NLGN1: variants seen among roughly 807,000 people sequenced by gnomAD.
NLGN1 encodes neuroligin 1, also known as neuroligin-1.
Under a neutral mutation model 65.5 loss-of-function variants are expected in NLGN1, and 12 were observed. That is an observed-to-expected ratio of 0.18 (90% CI 0.12 to 0.30). The LOEUF is 0.30. Ranked by LOEUF, NLGN1 falls within the 10% of genes least tolerant of loss-of-function variation. NLGN1 has a pLI of 1.00. For missense variants in NLGN1, 750 were observed against 1,007.1 expected (o/e 0.74, Z 3.46); for synonymous variants, 350 against 359.5 (o/e 0.97, Z 0.30).
At chr3:173,415,943 A>AGAGAGAGAGAGAGCGAGCGAGC (rs141095727) in intron 1 of NLGN1, among the ~76,000 whole-genome samples, 4 of 142,886 alleles carry the variant, frequency 2.8e-5, no homozygotes, top group African/African-American at 1.1e-4. Context: ...AGAGAGAGAG[A>AGAGAGAGAGAGAGCGAGCGAGC]GCTTGGTATA....
intron 4 of NLGN1, among the ~76,000 whole-genome samples, chr3:174,228,033 A>G (rs1045560596): frequency 1.1e-4 from 16 of 152,004 alleles, no homozygotes; most frequent in Non-Finnish European, 8.8e-5. Context: ...ATACTGAGAC[A>G]TATTGTTATT....
At chr3:173,989,787 T>A (rs12494704) in intron 4 of NLGN1, among the ~76,000 whole-genome samples, 48,752 of 151,938 alleles carry the variant, frequency 0.32, 9,039 homozygotes, top group African/African-American at 0.51. Flanking sequence ...TTGGCTTCGG[T>A]GTTGATGACT....
At chr3:173,469,340 A>T (rs1724927653) in intron 2 of NLGN1, among the ~76,000 whole-genome samples, 1 of 152,038 alleles carries the variant, frequency 6.6e-6, no homozygotes, top group African/African-American at 2.4e-5. Flanking sequence ...AGGCATCCCA[A>T]ACATAGCAAT....
At chr3:173,559,330 A>G (rs1324595473) in intron 2 of NLGN1, among the ~76,000 whole-genome samples, 1 of 152,154 alleles carries the variant, frequency 6.6e-6, no homozygotes. Context: ...TGCGCTGTCT[A>G]AGGCATGGCC....
intron 4 of NLGN1, chr3:173,910,801 C>G (rs1211970777): frequency 2.0e-5 from 3 of 152,162 alleles, no homozygotes; most frequent in African/African-American, 7.2e-5. Context: ...GTTTTGATCT[C>G]ATTGTAACTG....
chr3:173,660,603 T>TA (rs1330225989), intron 3 of NLGN1, among the ~76,000 whole-genome samples: 2 of 151,868 alleles, frequency 1.3e-5, no homozygotes, highest in African/African-American at 4.8e-5. Context: ...TGGAATATAA[T>TA]ACTTTAAATA....
chr3:173,886,120 C>A (rs57718173), intron 4 of NLGN1, among the ~76,000 whole-genome samples: 1,710 of 152,138 alleles, frequency 0.011, 36 homozygotes, highest in African/African-American at 0.036. Flanking sequence ...CAACCACTAC[C>A]AATATTAGTC....
chr3:173,631,753 G>A (rs542342087), intron 3 of NLGN1, among the ~76,000 whole-genome samples: 1 of 152,080 alleles, frequency 6.6e-6, no homozygotes, highest in Admixed American at 6.6e-5. Flanking sequence ...CTCAGAATAG[G>A]TTAAAATAGA....
At chr3:173,408,664 G>A (rs1352348041) in intron 1 of NLGN1, among the ~76,000 whole-genome samples, 1 of 152,192 alleles carries the variant, frequency 6.6e-6, no homozygotes, top group East Asian at 1.9e-4. Flanking sequence ...TGTAATCCCA[G>A]CACTTTGGGA....
In NLGN1 at chr3:173,717,681, G is replaced by A. The variant is rs555116967; in HGVS notation, c.494-89999G>A. ...TCTTAGATGCTAGCAAGATAAGAGT[G>A]AGTAATGCTTTCAATCTGTATGTGG... is the stretch of plus-strand genomic sequence containing the variant. On this transcript the variant is annotated intron_variant, in intron 3 of 6. Coordinates refer to ENST00000457714, the Ensembl canonical transcript of NLGN1. 5.4e-4 allele frequency among the ~76,000 whole-genome samples: 82 copies of A among 152,138 alleles called. 1 individual carries two copies. The highest frequency in any genetic ancestry group is 1.1e-3 in the Non-Finnish European group (77 of 68,020).
At chr3:174,139,161 G>A (rs1389504563) in intron 4 of NLGN1, among the ~76,000 whole-genome samples, 1 of 151,964 alleles carries the variant, frequency 6.6e-6, no homozygotes, top group Non-Finnish European at 1.5e-5. Flanking sequence ...TTCATTCTCG[G>A]TGTTGTACGT....
At chr3:173,515,717 C>T (rs1560369069) in intron 2 of NLGN1, among the ~76,000 whole-genome samples, 1 of 151,996 alleles carries the variant, frequency 6.6e-6, no homozygotes, top group Admixed American at 6.6e-5. Context: ...TTTTACAATA[C>T]CATTTGTGAA....
chr3:173,989,204 A>G (rs1220192867), intron 4 of NLGN1, among the ~76,000 whole-genome samples: 1 of 152,202 alleles, frequency 6.6e-6, no homozygotes, highest in East Asian at 1.9e-4. Flanking sequence ...CAGCATCAGC[A>G]TGACTTACAC....
chr3:173,888,652 C>A (rs574042834), intron 4 of NLGN1, among the ~76,000 whole-genome samples: 6 of 152,032 alleles, frequency 3.9e-5, no homozygotes, highest in Non-Finnish European at 1.5e-5. Context: ...ATATAATAAA[C>A]TTATGACATT....
At chr3:173,897,019 T>A (rs1217988462) in intron 4 of NLGN1, among the ~76,000 whole-genome samples, 1 of 152,216 alleles carries the variant, frequency 6.6e-6, no homozygotes, top group African/African-American at 2.4e-5. Context: ...ATTCAACCTG[T>A]TTCCGGGGTC....
chr3:174,203,238 T>C (rs1213381403), intron 4 of NLGN1, among the ~76,000 whole-genome samples: 1 of 152,166 alleles, frequency 6.6e-6, no homozygotes, highest in African/African-American at 2.4e-5. Context: ...CCCTGTGCAG[T>C]CTCTCAAAGG....
At chr3:173,553,508 C>T (rs1335172884) in intron 2 of NLGN1, among the ~76,000 whole-genome samples, 5 of 152,112 alleles carry the variant, frequency 3.3e-5, no homozygotes, top group South Asian at 4.1e-4. Flanking sequence ...TTCTTCAAGC[C>T]GAGGTTTACC....
intron 3 of NLGN1, among the ~76,000 whole-genome samples, chr3:173,755,669 G>A (rs964238937): frequency 6.6e-6 from 1 of 151,990 alleles, no homozygotes; most frequent in Non-Finnish European, 1.5e-5. Context: ...GTAGGTAAAT[G>A]AAAATGGCAA....
rs1445758618 is a variant in NLGN1, at chr3:173,704,700, TTAA to T, written c.493+99611_493+99613del. 2.6e-5 allele frequency among the ~76,000 whole-genome samples: 4 copies of T among 152,312 alleles called. No homozygotes were observed. In the East Asian group the frequency reaches 5.8e-4, roughly 22 times the overall value. ...GCTCAGTGAGATTATTCTTAATCAG[TTAA>T]TGATGATAAAAATGATTGTCATTTA... On this transcript the variant is annotated intron_variant, in intron 3 of 6. Transcript: ENST00000457714.
Sources: gnomAD v4.1 joint callset for allele counts (sites outside exome capture counted in the v4.1 genomes callset) on GRCh38, gnomAD v4.1.1 for gene constraint, MANE v1.5 for transcripts, NCBI Gene and HGNC (gene_info 2026-07-23, HGNC 2026-07-21) for gene names.